The following KPNA1 variants were observed in gnomAD, a reference collection of about 807,000 sequenced individuals.
The protein encoded by KPNA1 is importin subunit alpha-5.
A neutral mutation model predicts 70.5 loss-of-function variants in KPNA1; 10 were observed. The ratio of observed to expected loss-of-function variants is 0.14; its 90% confidence interval spans 0.09 to 0.24. The LOEUF (loss-of-function observed/expected upper bound fraction) is 0.24. Ranked by LOEUF, KPNA1 falls within the 10% of genes least tolerant of loss-of-function variation. KPNA1 has a pLI of 1.00. For synonymous variants in KPNA1, 192 were observed against 221.9 expected (o/e 0.87, Z 1.20); for missense variants, 397 against 637.9 (o/e 0.62, Z 4.07).
intron 2 of KPNA1, among the ~76,000 whole-genome samples, chr3:122,494,450 G>A (rs912720082): frequency 1.3e-5 from 2 of 152,030 alleles, no homozygotes; most frequent in Non-Finnish European, 2.9e-5. Flanking sequence ...GACAGTATGG[G>A]GCTTTATTTC....
intron 9 of KPNA1, among the ~76,000 whole-genome samples, chr3:122,446,758 A>G (rs2076144418): frequency 1.3e-5 from 2 of 152,218 alleles, no homozygotes; most frequent in African/African-American, 2.4e-5. Flanking sequence ...AAGATCAACA[A>G]AATTGATAGA....
chr3:122,452,566 G>A (rs1240155000), intron 6 of KPNA1, among the ~76,000 whole-genome samples: 2 of 41,312 alleles, frequency 4.8e-5, no homozygotes, highest in Admixed American at 5.3e-4. Context: ...GGGAGGGAGG[G>A]AAGGAGGGAA....
At chr3:122,512,245 G>C (rs1019032063) in intron 1 of KPNA1, among the ~76,000 whole-genome samples, 5 of 151,862 alleles carry the variant, frequency 3.3e-5, no homozygotes, top group African/African-American at 9.7e-5. Context: ...TGGGGTCTTA[G>C]GAAGAATTTG....
chr3:122,442,143 G>A, intron 9 of KPNA1, 27 bp from the exon 10 acceptor site: 13 of 1,535,186 alleles, frequency 8.5e-6, no homozygotes, highest in Non-Finnish European at 1.2e-5. Context: ...TAATGTTATA[G>A]CAAACAGTTC....
At chr3:122,451,700 AAAT>A (rs575581615) in intron 7 of KPNA1, 67 bp from the exon 8 acceptor site, 892 of 1,003,118 alleles carry the variant, frequency 8.9e-4, no homozygotes, top group Non-Finnish European at 1.2e-3. Flanking sequence ...CATAAATACT[AAAT>A]AATAATACTT....
intron 1 of KPNA1, among the ~76,000 whole-genome samples, chr3:122,499,536 T>C (rs1373621004): frequency 6.6e-6 from 1 of 152,104 alleles, no homozygotes; most frequent in Non-Finnish European, 1.5e-5. Context: ...GAGTATCACT[T>C]GAAGCCAGGA....
intron 5 of KPNA1, chr3:122,460,272 G>T: frequency 1.0e-6 from 1 of 984,540 alleles, no homozygotes; most frequent in Non-Finnish European, 1.2e-6. Flanking sequence ...TTATCCAGGG[G>T]GAAAAAAAAT....
At chr3:122,430,545 G>GTGTGTGTGTGTGTGTGTGTGTGT (rs1560014460) in intron 12 of KPNA1, among the ~76,000 whole-genome samples, 2 of 76,624 alleles carry the variant, frequency 2.6e-5, no homozygotes, top group South Asian at 4.1e-4. Flanking sequence ...TGTGTGTGTG[G>GTGTGTGTGTGTGTGTGTGTGTGT]TTTCTCAAAT....
intron 8 of KPNA1, among the ~76,000 whole-genome samples, chr3:122,450,627 A>G (rs1244391701): frequency 6.6e-6 from 1 of 152,162 alleles, no homozygotes; most frequent in African/African-American, 2.4e-5. Context: ...GAATGTGGTG[A>G]AAAGGGAACA....
chr3:122,446,975 A>G (rs1358701896), intron 9 of KPNA1, among the ~76,000 whole-genome samples: 4 of 152,218 alleles, frequency 2.6e-5, no homozygotes, highest in African/African-American at 9.7e-5. Context: ...ACCAGGAAGA[A>G]GTTGAATCCT....
chr3:122,427,401 C>A, intron 13 of KPNA1, 137 bp downstream of exon 13: 1 of 858,276 alleles, frequency 1.2e-6, no homozygotes. Flanking sequence ...CAAGTAATAT[C>A]CAGTCTGCAG....
intron 8 of KPNA1, among the ~76,000 whole-genome samples, chr3:122,451,225 G>A (rs1293824128): frequency 6.6e-6 from 1 of 151,970 alleles, no homozygotes; most frequent in Non-Finnish European, 1.5e-5. Context: ...GAACTGAAAG[G>A]ATAGTCTCCT....
chr3:122,459,446 T>C, intron 5 of KPNA1: 2 of 985,434 alleles, frequency 2.0e-6, no homozygotes, highest in Non-Finnish European at 2.4e-6. Context: ...TACCTCCCTC[T>C]TCCTACAAAG....
chr3:122,459,790 G>T (rs1045372174), intron 5 of KPNA1: 20 of 985,212 alleles, frequency 2.0e-5, no homozygotes, highest in Non-Finnish European at 2.4e-5. Flanking sequence ...TGGATTTCTT[G>T]TTTTTCCTCT....
chr3:122,504,650 G>A (rs536011879), intron 1 of KPNA1, among the ~76,000 whole-genome samples: 78 of 152,212 alleles, frequency 5.1e-4, no homozygotes, highest in Non-Finnish European at 9.6e-4. Context: ...GTGTGTGTGC[G>A]TGTGTCTGCG....
intron 10 of KPNA1, among the ~76,000 whole-genome samples, chr3:122,439,723 G>A (rs896075772): frequency 2.6e-5 from 4 of 152,062 alleles, no homozygotes; most frequent in Admixed American, 1.3e-4. Context: ...TAGGACAGTC[G>A]GAGGATGGAT....
intron 2 of KPNA1, among the ~76,000 whole-genome samples, chr3:122,482,364 A>G (rs1036209612): frequency 6.6e-6 from 1 of 152,260 alleles, no homozygotes; most frequent in Non-Finnish European, 1.5e-5. Flanking sequence ...GTTATATAGT[A>G]CATGACTATA....
At chr3:122,491,106 C>G (rs972643649) in intron 2 of KPNA1, among the ~76,000 whole-genome samples, 3 of 152,234 alleles carry the variant, frequency 2.0e-5, no homozygotes, top group Non-Finnish European at 4.4e-5. Flanking sequence ...ACAAGCATGA[C>G]AAACCAGGTC....
intron 1 of KPNA1, among the ~76,000 whole-genome samples, chr3:122,504,414 A>G (rs548102333): frequency 1.3e-5 from 2 of 152,332 alleles, no homozygotes; most frequent in South Asian, 2.1e-4. Context: ...CAAAGGCCTC[A>G]TCTTCAAACA....
Sources: gnomAD v4.1 joint callset for allele counts (sites outside exome capture counted in the v4.1 genomes callset) on GRCh38, gnomAD v4.1.1 for gene constraint, MANE v1.5 for transcripts, NCBI Gene and HGNC (gene_info 2026-07-23, HGNC 2026-07-21) for gene names.